Variants in ADK observed in about 807,000 individuals in gnomAD.
ADK encodes N6,N6-dimethyladenosine kinase.
In ADK, 24 loss-of-function variants were observed where a neutral mutation model predicts 44.7. That is an observed-to-expected ratio of 0.54 (90% CI 0.39 to 0.76). ADK has a LOEUF of 0.76. Among genes scored for constraint, ADK ranks in the 30% least tolerant of loss-of-function variants. The pLI, the probability that ADK is intolerant of heterozygous loss-of-function variation, is 0.00. For synonymous variants in ADK, 128 were observed against 142.6 expected (o/e 0.90, Z 0.73); for missense variants, 321 against 425.1 (o/e 0.76, Z 2.15).
chr10:74,314,184 T>G (rs1358464427), intron 3 of ADK, among the ~76,000 whole-genome samples: 1 of 152,120 alleles, frequency 6.6e-6, no homozygotes, highest in Non-Finnish European at 1.5e-5. Flanking sequence ...GTGTAAGGTC[T>G]TATAATTTTC....
At chr10:74,204,746 T>C (rs7909197) in intron 2 of ADK, among the ~76,000 whole-genome samples, 1 of 151,994 alleles carries the variant, frequency 6.6e-6, no homozygotes, top group African/African-American at 2.4e-5. Context: ...AAAATTTCTT[T>C]TTCTGTCAAA....
chr10:74,226,798 A>G (rs1265280509), intron 3 of ADK, among the ~76,000 whole-genome samples: 1 of 152,016 alleles, frequency 6.6e-6, no homozygotes, highest in Non-Finnish European at 1.5e-5. Context: ...TTGCAGATTA[A>G]CATTCTGTTG....
intron 3 of ADK, among the ~76,000 whole-genome samples, chr10:74,287,982 C>CAA (rs367569110): frequency 0.015 from 1,061 of 68,462 alleles, 14 homozygotes; most frequent in Non-Finnish European, 0.025. Context: ...GACCCTGTCT[C>CAA]AAAAAAAAAA....
chr10:74,551,465 C>A (rs1564787808), intron 7 of ADK: 1 of 152,516 alleles, frequency 6.6e-6, no homozygotes, highest in Non-Finnish European at 1.5e-5. Flanking sequence ...TCCTTCTCCA[C>A]TTCCACTGCT....
intron 6 of ADK, among the ~76,000 whole-genome samples, chr10:74,518,112 T>A (rs1490634949): frequency 1.3e-5 from 2 of 152,180 alleles, no homozygotes; most frequent in Non-Finnish European, 2.9e-5. Context: ...GCATGCTATA[T>A]GGTTGTTATA....
intron 7 of ADK, among the ~76,000 whole-genome samples, chr10:74,573,677 C>A (rs1450019876): frequency 6.6e-6 from 1 of 152,234 alleles, no homozygotes; most frequent in Non-Finnish European, 1.5e-5. Flanking sequence ...AGCTTCCTGG[C>A]TGCTTTGTTT....
intron 3 of ADK, among the ~76,000 whole-genome samples, chr10:74,267,754 T>TTGTGTGTGTGTGTGTGTGTGTG (rs372502769): frequency 1.5e-4 from 20 of 132,840 alleles, no homozygotes; most frequent in East Asian, 2.2e-4. Flanking sequence ...ATATCCTTAT[T>TTGTGTGTGTGTGTGTGTGTGTG]TGTGTGTGTG....
In ADK at chr10:74,687,000, G is replaced by A. The variant is rs563437546; in HGVS notation, c.964+16731G>A. ...CGTTACTTAACATCTCTAAGCCTCC[G>A]TTTCCTCATTTATAAAAATGAAGAT... On this transcript the variant is annotated intron_variant, in intron 10 of 10. Coordinates refer to ENST00000539909, the MANE Select transcript of ADK (RefSeq NM_006721.4). Among the ~76,000 whole-genome samples the A allele has an allele frequency of 1.4e-4, 21 of 152,088 alleles. 2 individuals carry two copies. Among genetic ancestry groups the A allele is most frequent in the African/African-American group, 4.3e-4 (18 of 41,498 alleles).
intron 4 of ADK, among the ~76,000 whole-genome samples, chr10:74,328,160 C>T (rs1021147710): frequency 2.0e-5 from 3 of 152,172 alleles, no homozygotes; most frequent in East Asian, 3.9e-4. Flanking sequence ...CTGCCTGCCT[C>T]GGCCTCCCGA....
chr10:74,216,691 C>T lies in ADK; in HGVS notation c.141-7847C>T, dbSNP rs530647963. ...GGTGAGCCACAATCATGCCACTGTA[C>T]TTCAGCCTGGGTGACAGAGTGAAAC... On this transcript the variant is annotated intron_variant, in intron 2 of 10. Transcript: ENST00000539909. 2.1e-5 allele frequency among the ~76,000 whole-genome samples: 3 copies of T among 145,328 alleles called. No homozygotes were observed. The East Asian group carries it at 6.0e-4, about 29-fold the overall frequency.
At chr10:74,269,075 T>A (rs1319866611) in intron 3 of ADK, among the ~76,000 whole-genome samples, 3 of 152,218 alleles carry the variant, frequency 2.0e-5, no homozygotes, top group Non-Finnish European at 4.4e-5. Flanking sequence ...AAATTATATT[T>A]AAATGTAACA....
At chr10:74,394,502 T>A (rs182479564) in intron 5 of ADK, among the ~76,000 whole-genome samples, 189 bp downstream of exon 5, 1 of 152,362 alleles carries the variant, frequency 6.6e-6, no homozygotes, top group African/African-American at 2.4e-5. Flanking sequence ...GTTGAATTCA[T>A]GAGGCATAAT....
chr10:74,355,029 CCTT>C (rs975524240), intron 4 of ADK, among the ~76,000 whole-genome samples: 24 of 152,038 alleles, frequency 1.6e-4, no homozygotes, highest in South Asian at 4.2e-4. Context: ...GTTTTTTTCC[CCTT>C]CTTCTTCTTT....
At chr10:74,389,870 T>C (rs1843277207) in intron 4 of ADK, among the ~76,000 whole-genome samples, 1 of 152,174 alleles carries the variant, frequency 6.6e-6, no homozygotes, top group Non-Finnish European at 1.5e-5. Flanking sequence ...GAGTAGTTAG[T>C]AAATCAGGTT....
At chr10:74,180,118 A>C (rs1842478474) in intron 1 of ADK, among the ~76,000 whole-genome samples, 1 of 152,004 alleles carries the variant, frequency 6.6e-6, no homozygotes, top group Non-Finnish European at 1.5e-5. Flanking sequence ...AGAATACAGG[A>C]TTGGAAATCA....
chr10:74,298,541 C>A (rs1839894245), intron 3 of ADK, among the ~76,000 whole-genome samples: 1 of 151,940 alleles, frequency 6.6e-6, no homozygotes, highest in African/African-American at 2.4e-5. Context: ...TCACATGAGC[C>A]CAGGCGTTCA....
intron 4 of ADK, among the ~76,000 whole-genome samples, chr10:74,321,167 G>A (rs1840794454): frequency 6.6e-6 from 1 of 151,962 alleles, no homozygotes; most frequent in South Asian, 2.1e-4. Flanking sequence ...GTATATTCTA[G>A]GCATCTCAAA....
intron 3 of ADK, among the ~76,000 whole-genome samples, chr10:74,263,086 T>G (rs1032172313): frequency 6.6e-6 from 1 of 152,206 alleles, no homozygotes; most frequent in Non-Finnish European, 1.5e-5. Flanking sequence ...TAGGAATCCA[T>G]GAATTATCCC....
chr10:74,482,158 G>T (rs988819172), intron 6 of ADK, among the ~76,000 whole-genome samples: 1 of 152,180 alleles, frequency 6.6e-6, no homozygotes, highest in Non-Finnish European at 1.5e-5. Flanking sequence ...ATAAAGAAAA[G>T]AAGTTTAGTT....
Sources: allele counts gnomAD v4.1 joint callset (sites outside exome capture counted in the v4.1 genomes callset), GRCh38; gene constraint gnomAD v4.1.1; transcripts MANE v1.5; gene names NCBI Gene and HGNC (gene_info 2026-07-23, HGNC 2026-07-21).